CEP250: variants seen among roughly 807,000 people sequenced by gnomAD.
CEP250 encodes the protein centrosome-associated protein CEP250.
A neutral mutation model predicts 315.7 loss-of-function variants in CEP250; 242 were observed. The observed-to-expected ratio is 0.77, with a 90% CI of 0.69 to 0.85. The LOEUF (loss-of-function observed/expected upper bound fraction) is 0.85, where lower values mean the gene tolerates loss of function less well. Among genes scored for constraint, CEP250 ranks in the 40% least tolerant of loss-of-function variants. The pLI is 0.00. For missense variants in CEP250, 2,515 were observed against 2,886.4 expected (o/e 0.87, Z 2.95); for synonymous variants, 1,088 against 1,175.0 (o/e 0.93, Z 1.51).
intron 20 of CEP250, among the ~76,000 whole-genome samples, chr20:35,484,514 C>T: frequency 6.6e-6 from 1 of 152,102 alleles, no homozygotes; most frequent in East Asian, 1.9e-4. Flanking sequence ...GTCCCCTCTC[C>T]ACATCCCTCC....
At chr20:35,499,558 T>C (rs1348447129) in intron 27 of CEP250, among the ~76,000 whole-genome samples, 1 of 152,222 alleles carries the variant, frequency 6.6e-6, no homozygotes, top group Non-Finnish European at 1.5e-5. Context: ...ACCTGGTCTC[T>C]GCCTAAAGAA....
chr20:35,499,817 A>G (rs1423850192), intron 27 of CEP250, among the ~76,000 whole-genome samples: 2 of 152,322 alleles, frequency 1.3e-5, no homozygotes, highest in African/African-American at 4.8e-5. Flanking sequence ...TTCAAAAGAC[A>G]TAGATAGGTC....
At chr20:35,472,880 C>G in intron 12 of CEP250, 49 bp downstream of exon 12, 1 of 1,597,620 alleles carries the variant, frequency 6.3e-7, no homozygotes, top group Non-Finnish European at 8.6e-7. Context: ...TGTGTCTAAA[C>G]TGGTTTGTGC....
Position 35,475,648 on chromosome 20 carries a change from T to C in CEP250, c.1716+2T>C, listed in dbSNP as rs778842853. The C allele has an allele frequency of 6.8e-6, 11 of 1,613,030 alleles. No individual in the cohort carries two copies. Among genetic ancestry groups the C allele is most frequent in the African/African-American group, 2.7e-5 (2 of 74,980 alleles). On this transcript the variant is annotated splice_donor_variant, in intron 15 of 34. Coordinates refer to ENST00000397527, the MANE Select transcript of CEP250 (RefSeq NM_007186.6). LOFTEE classifies it high-confidence loss of function. ...GAAGTGACCGCAGCGCTGGCTAGGG[T>C]GCGTGGCCTCCTCTCCTCACTTGCT...
Position 35,504,238 on chromosome 20 carries a change from G to C in CEP250, c.5869G>C (p.Glu1957Gln). 1.2e-6 allele frequency: 2 copies of C among 1,605,030 alleles called. No homozygotes were observed. The highest frequency in any genetic ancestry group is 1.7e-6 in the Non-Finnish European group (2 of 1,176,200). Residue 1957 changes from glutamate (E) to glutamine (Q), a missense_variant, in exon 30 of 35, where the codon GAG becomes CAG. Coordinates refer to ENST00000397527, the MANE Select transcript of CEP250 (RefSeq NM_007186.6). ...AAGTCAGTCCTCCCGGCATCAGGAG[G>C]AGGCTGCCCGGGCCCGGGCTGAGGC... The part of the protein sequence containing the change: ...AESQSSRHQE[E>Q]AARARAEALQ...
intron 8 of CEP250, 43 bp from the exon 9 acceptor site, chr20:35,467,261 C>G (rs757295577): frequency 1.3e-6 from 2 of 1,591,466 alleles, no homozygotes; most frequent in South Asian, 2.3e-5. Flanking sequence ...CACTCCTTCC[C>G]TGGTTCCTAG....
At position 35,482,332 on chromosome 20, in the gene CEP250, G is replaced by A. The variant is rs908196998; in HGVS notation, c.2586+2187G>A. ...CTGCAAGGTCCGCCTCTGGGTTCAC[G>A]CCATTCTCCTGCCTCAGCCTCCCAA... On this transcript the variant is annotated intron_variant, in intron 20 of 34. Coordinates refer to ENST00000397527, the MANE Select transcript of CEP250 (RefSeq NM_007186.6). Among the ~76,000 whole-genome samples, 5 of 151,654 alleles carry A rather than the reference G, an allele frequency of 3.3e-5. No homozygotes were observed. The East Asian group carries it at 5.9e-4, about 18-fold the overall frequency.
chr20:35,508,860 C>A, intron 32 of CEP250, 83 bp from the exon 33 acceptor site: 1 of 1,109,744 alleles, frequency 9.0e-7, no homozygotes, highest in South Asian at 1.4e-5. Flanking sequence ...CCTGCACAGG[C>A]ACTGGCCACC....
At position 35,490,823 on chromosome 20, in the gene CEP250, TG is replaced by T; in HGVS notation, c.2754+21del. ...ATGCCAGGTGGGAAGCTAGGAGGATTGGAGCTGCACGTCCAGTCAGCGATCT... is the reference window on the plus strand; with the variant it reads ...ATGCCAGGTGGGAAGCTAGGAGGATTGAGCTGCACGTCCAGTCAGCGATCT... On this transcript the variant is annotated intron_variant, in intron 21 of 34. Coordinates refer to ENST00000397527, the MANE Select transcript of CEP250 (RefSeq NM_007186.6). 6.2e-7 allele frequency: 1 copy of T among 1,610,358 alleles called. No individual in the cohort carries two copies. Among genetic ancestry groups the T allele is most frequent in the South Asian group, 1.1e-5 (1 of 90,918 alleles).
At chr20:35,489,829 T>G (rs982867092) in intron 20 of CEP250, among the ~76,000 whole-genome samples, 1 of 152,206 alleles carries the variant, frequency 6.6e-6, no homozygotes, top group Admixed American at 6.5e-5. Flanking sequence ...ACAGCCAGAA[T>G]TGGCCGCCTC....
intron 21 of CEP250, 168 bp downstream of exon 21, chr20:35,490,972 TC>T: frequency 1.2e-6 from 1 of 825,960 alleles, no homozygotes; most frequent in Admixed American, 2.9e-5. Context: ...TAGCCACAGT[TC>T]CGGCAGTATG....
chr20:35,512,091 T>C lies in CEP250; in HGVS notation c.*465T>C, dbSNP rs2064376998. The stretch of plus-strand genomic sequence containing the variant: ...GGTAGCATGCATTTATTGTACACCA[T>C]GCACTGTGATAGGGAAGGGTTACAG... On this transcript the variant is annotated 3_prime_UTR_variant, in exon 35 of 35. Transcript: ENST00000397527. 1.0e-6 allele frequency: 1 copy of C among 965,802 alleles called. No individual in the cohort carries two copies. Among genetic ancestry groups the C allele is most frequent in the African/African-American group, 1.8e-5 (1 of 57,032 alleles). The allele number at this position is 965,802 out of a possible 1,614,324, so 59.8% of individuals were successfully genotyped here. A position where few individuals can be genotyped will look rare whatever the true frequency, so the allele number is the denominator to read the frequency against.
chr20:35,501,124 C>A (rs905371477), intron 28 of CEP250, among the ~76,000 whole-genome samples: 3 of 152,108 alleles, frequency 2.0e-5, no homozygotes, highest in African/African-American at 7.2e-5. Flanking sequence ...AGTGTCATGA[C>A]TCCTTACAAA....
At chr20:35,486,782 A>G (rs545040637) in intron 20 of CEP250, among the ~76,000 whole-genome samples, 1 of 152,342 alleles carries the variant, frequency 6.6e-6, no homozygotes, top group African/African-American at 2.4e-5. Flanking sequence ...GATGATAACC[A>G]GAAGTTTGCT....
At chr20:35,500,659 C>T (rs2063977568) in intron 28 of CEP250, among the ~76,000 whole-genome samples, 1 of 152,224 alleles carries the variant, frequency 6.6e-6, no homozygotes, top group African/African-American at 2.4e-5. Flanking sequence ...GATCCGCCTG[C>T]CTCGACCTCC....
chr20:35,475,788 C>A, intron 15 of CEP250, 142 bp downstream of exon 15: 1 of 857,184 alleles, frequency 1.2e-6, no homozygotes, highest in Non-Finnish European at 1.8e-6. Flanking sequence ...TCTATTCCAA[C>A]ATACCCTCTA....
intron 30 of CEP250, 53 bp from the exon 31 acceptor site, chr20:35,507,685 T>A: frequency 7.1e-7 from 1 of 1,408,068 alleles, no homozygotes; most frequent in Non-Finnish European, 9.8e-7. Context: ...GATGGGTTGG[T>A]CTGGATATGA....
chr20:35,459,416 CTA>C (rs2062705250), intron 2 of CEP250, among the ~76,000 whole-genome samples: 1 of 152,038 alleles, frequency 6.6e-6, no homozygotes, highest in South Asian at 2.1e-4. Flanking sequence ...ATTCATGGAA[CTA>C]TGTGTGGCAG....
chr20:35,517,789 C>T lies in CEP250; in HGVS notation c.*6163C>T, dbSNP rs191489239. On this transcript the variant is annotated 3_prime_UTR_variant, in exon 35 of 35. Transcript: ENST00000397527. ...AAAAATTAAAGAAGTTAAACAGTGC[C>T]GGGCTTGGGGGCTCACGCCTGTAAT... 5.3e-5 allele frequency: 8 copies of T among 151,846 alleles called. No individual in the cohort carries two copies. The highest frequency in any genetic ancestry group is 3.4e-3 in the Middle Eastern group (1 of 294). 9.4% of individuals were successfully genotyped at this position (151,846 alleles called of 1,614,324 possible).
Sources: allele counts gnomAD v4.1 joint callset (sites outside exome capture counted in the v4.1 genomes callset), GRCh38; gene constraint gnomAD v4.1.1; transcripts MANE v1.5; gene names NCBI Gene and HGNC (gene_info 2026-07-23, HGNC 2026-07-21).